Variants in VPS13A observed in about 807,000 individuals in gnomAD.
VPS13A encodes vacuolar protein sorting 13 homolog A.
A neutral mutation model predicts 390.9 loss-of-function variants in VPS13A; 264 were observed. That is an observed-to-expected ratio of 0.68 (90% CI 0.61 to 0.75). The LOEUF (loss-of-function observed/expected upper bound fraction) is 0.75. Among genes scored for constraint, VPS13A ranks in the 30% least tolerant of loss-of-function variants. The pLI is 0.00. For missense variants in VPS13A, 3,409 were observed against 3,733.9 expected, an observed-to-expected ratio of 0.91 and a Z score of 2.27; for synonymous variants, 1,231 against 1,227.1, an observed-to-expected ratio of 1.00 and a Z score of -0.07.
intron 23 of VPS13A, among the ~76,000 whole-genome samples, chr9:77,266,487 C>T (rs942640791): frequency 6.6e-6 from 1 of 151,828 alleles, no homozygotes; most frequent in African/African-American, 2.4e-5. Context: ...TGAATATTGG[C>T]GCCCACTCTC....
chr9:77,251,642 GTCACTTGAAC>G (rs1215437055), intron 21 of VPS13A, among the ~76,000 whole-genome samples: 2 of 151,890 alleles, frequency 1.3e-5, no homozygotes, highest in Admixed American at 1.3e-4. Flanking sequence ...TAATATTTTG[GTCACTTGAAC>G]TCATGGTTTT....
intron 26 of VPS13A, 23 bp downstream of exon 26, chr9:77,276,244 A>C: frequency 1.3e-6 from 2 of 1,545,572 alleles, no homozygotes; most frequent in Non-Finnish European, 1.7e-6. Flanking sequence ...ATTTTTTAAA[A>C]TAAATAAATT....
At chr9:77,211,903 T>G (rs1042031979) in intron 7 of VPS13A, among the ~76,000 whole-genome samples, 2 of 152,136 alleles carry the variant, frequency 1.3e-5, no homozygotes, top group Non-Finnish European at 2.9e-5. Flanking sequence ...CCGCCTGAGC[T>G]CTGTCAGATC....
chr9:77,405,173 A>AAATT (rs1396082260), intron 69 of VPS13A, among the ~76,000 whole-genome samples: 1 of 152,164 alleles, frequency 6.6e-6, no homozygotes, highest in Non-Finnish European at 1.5e-5. Context: ...ATTTATTTAA[A>AAATT]AATTAGAATG....
At chr9:77,222,223 T>C (rs1291892612) in intron 13 of VPS13A, among the ~76,000 whole-genome samples, 2 of 152,082 alleles carry the variant, frequency 1.3e-5, no homozygotes, top group Non-Finnish European at 2.9e-5. Context: ...GCTTAGAGTC[T>C]TTGGGGGATG....
chr9:77,328,696 C>T (rs111926596), intron 45 of VPS13A, among the ~76,000 whole-genome samples: 14 of 152,306 alleles, frequency 9.2e-5, no homozygotes, highest in Admixed American at 5.2e-4. Context: ...CGTGAACAAA[C>T]GTCTGCTTCC....
intron 5 of VPS13A, among the ~76,000 whole-genome samples, chr9:77,209,016 T>C (rs1225346333): frequency 6.6e-6 from 1 of 152,224 alleles, no homozygotes; most frequent in Non-Finnish European, 1.5e-5. Context: ...TATTCAACTG[T>C]TTTACACATC....
chr9:77,201,904 A>T (rs1825353027), intron 3 of VPS13A, among the ~76,000 whole-genome samples: 2 of 152,138 alleles, frequency 1.3e-5, no homozygotes, highest in African/African-American at 4.8e-5. Flanking sequence ...TATCTTAAAT[A>T]TATTGGTTGA....
chr9:77,369,332 C>T lies in VPS13A; in HGVS notation c.8587C>T (p.Leu2863Phe). 1 of 1,613,668 alleles carries T rather than the reference C, an allele frequency of 6.2e-7. No homozygotes were observed. The highest frequency in any genetic ancestry group is 8.5e-7 in the Non-Finnish European group (1 of 1,179,710). The change falls in exon 63 of 72, where the codon CTT becomes TTT. Residue 2863 changes from leucine (L) to phenylalanine (F), a missense_variant. Leu to Phe is a conservative substitution (Grantham distance 22). Coordinates refer to ENST00000360280, the MANE Select transcript of VPS13A (RefSeq NM_033305.3). Reference sequence around the variant, plus strand: ...GCAGATGTATGTACTCATTCTTGGACTTGATGTTTTGGGAAATCCATTTGG... The same window carrying T: ...GCAGATGTATGTACTCATTCTTGGATTTGATGTTTTGGGAAATCCATTTGG... ...IKQMYVLILG[L>F]DVLGNPFGLI...
chr9:77,272,740 A>C (rs1587467771), intron 23 of VPS13A, among the ~76,000 whole-genome samples: 1 of 152,234 alleles, frequency 6.6e-6, no homozygotes, highest in Admixed American at 6.5e-5. Context: ...GGAGGAACAC[A>C]TAAGAAGATG....
At chr9:77,340,578 C>T in intron 50 of VPS13A, 28 bp downstream of exon 50, 8 of 1,610,716 alleles carry the variant, frequency 5.0e-6, no homozygotes, top group Non-Finnish European at 6.8e-6. Context: ...AAAAATATAC[C>T]TCTTTGGATT....
intron 15 of VPS13A, 118 bp from the exon 16 acceptor site, chr9:77,227,273 A>T: frequency 1.3e-6 from 1 of 745,360 alleles, no homozygotes; most frequent in Non-Finnish European, 2.2e-6. Flanking sequence ...CAGTGTTTAT[A>T]ATTTCTTAAG....
chr9:77,402,240 T>C (rs1834424404), intron 68 of VPS13A, among the ~76,000 whole-genome samples: 1 of 152,186 alleles, frequency 6.6e-6, no homozygotes, highest in Non-Finnish European at 1.5e-5. Flanking sequence ...TGAGTCATCC[T>C]GCTATTTTAG....
intron 71 of VPS13A, among the ~76,000 whole-genome samples, chr9:77,409,447 G>C (rs780019257): frequency 7.9e-5 from 12 of 152,214 alleles, no homozygotes; most frequent in Non-Finnish European, 1.2e-4. Context: ...AAGCTGGATG[G>C]AGAATGACTT....
At chr9:77,202,667 A>G (rs1825398827) in intron 3 of VPS13A, among the ~76,000 whole-genome samples, 1 of 152,194 alleles carries the variant, frequency 6.6e-6, no homozygotes, top group African/African-American at 2.4e-5. Context: ...TTTAACCTCA[A>G]TTCAAGAACA....
intron 52 of VPS13A, among the ~76,000 whole-genome samples, chr9:77,350,438 C>G (rs1175862344): frequency 6.6e-6 from 1 of 152,060 alleles, no homozygotes; most frequent in African/African-American, 2.4e-5. Context: ...TCATCTCTAG[C>G]TTGGTTGGAA....
At chr9:77,372,088 T>C (rs866718615) in intron 67 of VPS13A, among the ~76,000 whole-genome samples, 225 of 151,252 alleles carry the variant, frequency 1.5e-3, no homozygotes, top group Middle Eastern at 6.8e-3. Context: ...TCTTTGCTAT[T>C]GTGAATAATG....
At chr9:77,278,155 C>T (rs1206263826) in intron 26 of VPS13A, among the ~76,000 whole-genome samples, 4 of 151,914 alleles carry the variant, frequency 2.6e-5, no homozygotes, top group Non-Finnish European at 5.9e-5. Context: ...ACTGCAAGCT[C>T]CACCTCCTGG....
chr9:77,414,309 A>G (rs1487721866), intron 71 of VPS13A, among the ~76,000 whole-genome samples: 2 of 152,228 alleles, frequency 1.3e-5, no homozygotes, highest in East Asian at 1.9e-4. Context: ...TTGCGGCACT[A>G]TTCACAATAG....
Sources: allele counts gnomAD v4.1 joint callset (sites outside exome capture counted in the v4.1 genomes callset), GRCh38; gene constraint gnomAD v4.1.1; transcripts MANE v1.5; gene names NCBI Gene and HGNC (gene_info 2026-07-23, HGNC 2026-07-21).